ANKFN1: variants seen among roughly 807,000 people sequenced by gnomAD.
The protein encoded by ANKFN1 is ankyrin repeat and fibronectin type III domain containing 1.
A neutral mutation model predicts 108.7 loss-of-function variants in ANKFN1; 74 were observed. The observed-to-expected ratio is 0.68, with a 90% CI of 0.56 to 0.83. ANKFN1 has a LOEUF of 0.83. Ranked by LOEUF, ANKFN1 falls within the 40% of genes least tolerant of loss-of-function variation. The pLI is 0.00. For missense variants in ANKFN1, 1,505 were observed against 1,382.3 expected (o/e 1.09, Z -1.41); for synonymous variants, 547 against 516.2 (o/e 1.06, Z -0.81).
intron 18 of ANKFN1, among the ~76,000 whole-genome samples, chr17:56,484,094 T>C (rs1180423727): frequency 1.3e-5 from 2 of 152,106 alleles, no homozygotes; most frequent in South Asian, 4.1e-4. Flanking sequence ...AAGAAAACCT[T>C]TCTTGTTGGG....
intron 1 of ANKFN1, among the ~76,000 whole-genome samples, chr17:56,173,524 A>G (rs920376715): frequency 6.6e-6 from 1 of 152,260 alleles, no homozygotes; most frequent in East Asian, 1.9e-4. Context: ...AAGAATAGAA[A>G]TTATAGGAGA....
chr17:56,298,823 T>A (rs1343700181), intron 3 of ANKFN1, among the ~76,000 whole-genome samples: 1 of 152,248 alleles, frequency 6.6e-6, no homozygotes, highest in African/African-American at 2.4e-5. Context: ...TTTAACAACT[T>A]GACCCTTCTA....
Position 56,510,729 on chromosome 17 carries a change from C to T in ANKFN1, c.2901C>T (p.Ala967=), listed in dbSNP as rs1242962239. 1.0e-5 allele frequency: 16 copies of T among 1,536,026 alleles called. No homozygotes were observed. The highest frequency in any genetic ancestry group is 1.3e-5 in the Non-Finnish European group (15 of 1,146,918). Reference sequence around the variant, plus strand: ...GCCCAAATCCCGATCACTCATGTGCCGAGTTTCTCCATAGCCTGACCCTCA... The same window carrying T: ...GCCCAAATCCCGATCACTCATGTGCTGAGTTTCTCCATAGCCTGACCCTCA... ...GEGPNPDHSC[A]EFLHSLTLTG... is the part of the protein sequence containing the mutation. The change falls in exon 21 of 21, where the codon GCC becomes GCT. Residue 967 remains alanine (A), a synonymous_variant. Coordinates refer to ENST00000682825, the MANE Select transcript of ANKFN1 (RefSeq NM_001370326.1).
At chr17:56,369,032 G>A (rs1266781766) in intron 6 of ANKFN1, among the ~76,000 whole-genome samples, 1 of 152,196 alleles carries the variant, frequency 6.6e-6, no homozygotes, top group Non-Finnish European at 1.5e-5. Context: ...TAGGGGAATG[G>A]AAGGAATGCT....
chr17:56,491,099 G>T (rs1457009738), intron 18 of ANKFN1, among the ~76,000 whole-genome samples: 1 of 152,082 alleles, frequency 6.6e-6, no homozygotes, highest in Non-Finnish European at 1.5e-5. Context: ...GGCCAGATCT[G>T]GGTCTCAGGA....
rs1417949930 is a variant in ANKFN1 at position 56,439,798 on chromosome 17, AT to A, written c.911-528del. ...TTTTCAGTAGAATATGGCGAAGCAG[AT>A]GTCAGACTTGGAGAGCGAATAGAAG... On this transcript the variant is annotated intron_variant, in intron 8 of 20. Coordinates refer to ENST00000682825, the MANE Select transcript of ANKFN1 (RefSeq NM_001370326.1). Among the ~76,000 whole-genome samples the A allele has an allele frequency of 2.3e-4, 35 of 152,336 alleles. 1 individual carries two copies. The highest frequency in any genetic ancestry group is 2.3e-3 in the Admixed American group (35 of 15,302).
chr17:56,396,253 G>T (rs2144903515), intron 8 of ANKFN1, among the ~76,000 whole-genome samples: 1 of 152,280 alleles, frequency 6.6e-6, no homozygotes, highest in East Asian at 1.9e-4. Flanking sequence ...TTCAACAGCA[G>T]CCTGGCCAAC....
At chr17:56,343,241 T>C (rs2046006748) in intron 4 of ANKFN1, among the ~76,000 whole-genome samples, 1 of 151,928 alleles carries the variant, frequency 6.6e-6, no homozygotes, top group South Asian at 2.1e-4. Flanking sequence ...TACTATCTAG[T>C]GTTCTTTCAT....
intron 4 of ANKFN1, among the ~76,000 whole-genome samples, chr17:56,099,860 C>T (rs969851672): frequency 2.0e-5 from 3 of 152,214 alleles, no homozygotes; most frequent in African/African-American, 4.8e-5. Context: ...AGTACTGGGA[C>T]TCTAGCCAAT....
At position 56,077,392 on chromosome 17, in the gene ANKFN1, G is replaced by A. The variant is rs144087085; in HGVS notation, c.288+31067G>A. Among the ~76,000 whole-genome samples, 880 of 152,254 alleles carry A rather than the reference G, an allele frequency of 5.8e-3. 4 individuals carry two copies. The highest frequency in any genetic ancestry group is 8.8e-3 in the Non-Finnish European group (596 of 68,020). ...GCCAAAATATGTCCACCATCACAAG[G>A]AAAATTCAGCTGCAACCTATGGACC... On this transcript the variant is annotated intron_variant, in intron 4 of 12. Transcript: ENST00000635860.
At chr17:56,231,082 A>G (rs951687646) in intron 3 of ANKFN1, among the ~76,000 whole-genome samples, 3 of 152,088 alleles carry the variant, frequency 2.0e-5, no homozygotes, top group Non-Finnish European at 4.4e-5. Context: ...TGTCTGGGCA[A>G]AGACCTGTTC....
At chr17:56,154,667 C>T (rs1908927245) in intron 1 of ANKFN1, among the ~76,000 whole-genome samples, 1 of 151,620 alleles carries the variant, frequency 6.6e-6, no homozygotes, top group African/African-American at 2.4e-5. Flanking sequence ...AAACTTATTC[C>T]TTTTACTATG....
intron 3 of ANKFN1, among the ~76,000 whole-genome samples, chr17:56,274,893 T>C (rs1336720344): frequency 6.6e-6 from 1 of 152,192 alleles, no homozygotes; most frequent in Non-Finnish European, 1.5e-5. Context: ...TGAGTTCAAA[T>C]CTTATCCCTG....
At chr17:56,287,654 C>T (rs1051677056) in intron 3 of ANKFN1, among the ~76,000 whole-genome samples, 34 of 152,296 alleles carry the variant, frequency 2.2e-4, no homozygotes, top group African/African-American at 7.0e-4. Flanking sequence ...TAGGTGGGAA[C>T]GATCCTCAAA....
intron 9 of ANKFN1, among the ~76,000 whole-genome samples, chr17:56,442,580 A>C (rs1568004730): frequency 6.6e-6 from 1 of 152,148 alleles, no homozygotes; most frequent in Non-Finnish European, 1.5e-5. Flanking sequence ...ATGATTCTTA[A>C]ATTTTGAAAA....
At chr17:56,302,471 CA>C (rs1232312715) in intron 3 of ANKFN1, among the ~76,000 whole-genome samples, 1 of 142,128 alleles carries the variant, frequency 7.0e-6, no homozygotes, top group East Asian at 2.1e-4. Context: ...GCCATAATCA[CA>C]TCACTGCACT....
intron 8 of ANKFN1, among the ~76,000 whole-genome samples, chr17:56,398,906 T>C (rs926134362): frequency 6.6e-6 from 1 of 152,194 alleles, no homozygotes. Flanking sequence ...AAGATAATAC[T>C]ATCACTATTA....
intron 2 of ANKFN1, among the ~76,000 whole-genome samples, chr17:56,214,410 G>A (rs1178089148): frequency 3.3e-5 from 5 of 152,190 alleles, no homozygotes; most frequent in Non-Finnish European, 5.9e-5. Flanking sequence ...AGTAGGAAAA[G>A]CAAGTTTTGA....
At position 56,311,007 on chromosome 17, in the gene ANKFN1, C is replaced by T. The variant is rs201889452; in HGVS notation, c.54-15214C>T. ...TTTTTTAGATGCTACACTAGAGTGA[C>T]GTCATGAAGTATTTCTCTTCTTGTG... is the stretch of plus-strand genomic sequence containing the variant. On this transcript the variant is annotated intron_variant, in intron 3 of 20. Transcript: ENST00000682825. 3.9e-5 allele frequency among the ~76,000 whole-genome samples: 6 copies of T among 152,252 alleles called. 1 individual carries two copies. The East Asian group carries it at 9.6e-4, about 24-fold the overall frequency.
Sources: gnomAD v4.1 joint callset for allele counts (sites outside exome capture counted in the v4.1 genomes callset) on GRCh38, gnomAD v4.1.1 for gene constraint, MANE v1.5 for transcripts, NCBI Gene and HGNC (gene_info 2026-07-23, HGNC 2026-07-21) for gene names.